TSFM: variants seen among roughly 807,000 people sequenced by gnomAD.
TSFM encodes the protein Ts translation elongation factor, mitochondrial.
Under a neutral mutation model 33.4 loss-of-function variants are expected in TSFM, and 29 were observed. That is an observed-to-expected ratio of 0.87 (90% CI 0.65 to 1.18). The LOEUF (loss-of-function observed/expected upper bound fraction) is 1.18, where lower values mean the gene tolerates loss of function less well. Among genes scored for constraint, TSFM ranks in the 50% most tolerant of loss-of-function variants. The pLI, the probability that TSFM is intolerant of heterozygous loss-of-function variation, is 0.00. For synonymous variants in TSFM, 178 were observed against 163.5 expected (o/e 1.09, Z -0.68); for missense variants, 394 against 395.6 (o/e 1.00, Z 0.04).
chr12:57,795,173 G>A (rs1474971077), intron 5 of TSFM, among the ~76,000 whole-genome samples: 2 of 150,346 alleles, frequency 1.3e-5, no homozygotes, highest in African/African-American at 2.4e-5. Context: ...GATCTCGCTC[G>A]CTGTAACCTC....
At chr12:57,785,006 A>C (rs1203248490) in intron 2 of TSFM, among the ~76,000 whole-genome samples, 3 of 131,670 alleles carry the variant, frequency 2.3e-5, no homozygotes, top group Non-Finnish European at 4.6e-5. Flanking sequence ...GGCTCACTGC[A>C]AGCTCCACCT....
At chr12:57,801,096 T>G, downstream of TSFM, 1 of 1,516,376 alleles carries the variant, frequency 6.6e-7, no homozygotes, top group Non-Finnish European at 9.1e-7. Flanking sequence ...GTTCTCTGGC[T>G]CTGGTTGCCC....
chr12:57,801,436 G>T (rs1326800487), downstream of TSFM: 4 of 381,972 alleles, frequency 1.0e-5, no homozygotes, highest in Non-Finnish European at 1.9e-5. Context: ...CTCCCAATAA[G>T]ATTTAAGAAA....
At chr12:57,791,896 T>C (rs942176498) in intron 4 of TSFM, 8 of 336,492 alleles carry the variant, frequency 2.4e-5, no homozygotes, top group Non-Finnish European at 3.6e-5. Context: ...CCATTTTGCA[T>C]TCCCATCAAA....
At chr12:57,788,452 T>G (rs1486851402) in intron 4 of TSFM, among the ~76,000 whole-genome samples, 2 of 152,032 alleles carry the variant, frequency 1.3e-5, no homozygotes, top group African/African-American at 4.8e-5. Context: ...AGTATTTGTA[T>G]TTTTTGTAAA....
downstream of TSFM, among the ~76,000 whole-genome samples, chr12:57,798,543 T>C (rs1242403530): frequency 7.9e-5 from 12 of 152,142 alleles, no homozygotes; most frequent in Non-Finnish European, 1.8e-4. Flanking sequence ...AGATAAGACA[T>C]TGTGGGAAAT....
In TSFM at chr12:57,786,202, T is replaced by A; in HGVS notation, c.271T>A (p.Trp91Arg). Residue 91 changes from tryptophan to arginine, a missense_variant, in exon 3 of 6, where the codon TGG (tryptophan) becomes AGG (arginine). Around this residue, in one of 3 missense-constraint regions of TSFM, gnomAD observed 208 missense variants for 180.4 expected, o/e 1.15. Transcript: ENST00000652027. The part of the protein sequence containing the change: ...WLHKEAQKEG[W>R]SKAAKLQGRK... ...CCACAAGGAGGCCCAGAAGGAGGGC[T>A]GGAGCAAAGCTGCCAAGCTCCAAGG... 1 of 1,609,962 alleles carries A rather than the reference T, an allele frequency of 6.2e-7. No homozygotes were observed. The highest frequency in any genetic ancestry group is 8.5e-7 in the Non-Finnish European group (1 of 1,177,902).
In TSFM at chr12:57,796,847, GATTT is replaced by G. The variant is rs1340871927; in HGVS notation, c.*268_*271del. ...CAATACTGCTGCTCCCTTCAACATA[GATTT>G]ATTATGGTATTTCTGAAATTTCTAA... On this transcript the variant is annotated 3_prime_UTR_variant, in exon 6 of 6. Coordinates refer to ENST00000652027, the MANE Select transcript of TSFM (RefSeq NM_005726.6). The G allele has an allele frequency of 9.0e-7, 1 of 1,110,466 alleles. No individual in the cohort carries two copies. Among genetic ancestry groups the G allele is most frequent in the African/African-American group, 1.6e-5 (1 of 61,814 alleles). 68.8% of individuals were successfully genotyped at this position (1,110,466 alleles called of 1,614,324 possible). A position where few individuals can be genotyped will look rare whatever the true frequency, so the allele number is the denominator to read the frequency against.
intron 2 of TSFM, chr12:57,783,903 A>G (rs956508498): frequency 2.9e-6 from 2 of 699,468 alleles, no homozygotes; most frequent in Non-Finnish European, 5.2e-6. Flanking sequence ...GGAGTGAGCC[A>G]CCGCGCCCGG....
chr12:57,789,109 C>G (rs1955628355), intron 4 of TSFM, among the ~76,000 whole-genome samples: 1 of 151,774 alleles, frequency 6.6e-6, no homozygotes, highest in South Asian at 2.1e-4. Flanking sequence ...TTACAGGCAC[C>G]TGCCATCATG....
chr12:57,782,992 C>G (rs1955533040), intron 1 of TSFM, 118 bp from the exon 2 acceptor site: 2 of 1,472,024 alleles, frequency 1.4e-6, no homozygotes, highest in Non-Finnish European at 1.8e-6. Context: ...CCAGTCCAGC[C>G]CCGGTGCACC....
At chr12:57,790,360 G>T (rs563949200) in intron 4 of TSFM, among the ~76,000 whole-genome samples, 3 of 151,934 alleles carry the variant, frequency 2.0e-5, no homozygotes, top group African/African-American at 7.3e-5. Flanking sequence ...GAACCACTGC[G>T]CCTGGCCAGG....
downstream of TSFM, among the ~76,000 whole-genome samples, chr12:57,801,943 C>T (rs1283933482): frequency 6.6e-6 from 1 of 152,194 alleles, no homozygotes; most frequent in East Asian, 1.9e-4. Flanking sequence ...ATACTTCACA[C>T]TGCTTATTGC....
At chr12:57,801,135 C>G (rs1254901205), downstream of TSFM, 1 of 1,612,792 alleles carries the variant, frequency 6.2e-7, no homozygotes, top group Non-Finnish European at 8.5e-7. Context: ...AAGAGCGAAC[C>G]CGACTCACAG....
intron 2 of TSFM, chr12:57,783,494 A>G (rs905845275): frequency 1.4e-6 from 1 of 715,122 alleles, no homozygotes; most frequent in African/African-American, 1.8e-5. Flanking sequence ...CCAGACTGTT[A>G]CGGTGTTTCT....
rs562349716 is a variant in TSFM at position 57,794,106 on chromosome 12, T to A, written c.571+1033T>A. On this transcript the variant is annotated intron_variant, in intron 5 of 5. Coordinates refer to ENST00000652027, the MANE Select transcript of TSFM (RefSeq NM_005726.6). ...TCCGTTTTTATCAGGTCATCTTGTA[T>A]TATCTATGATGTTTCAATGAGTCAT... Among the ~76,000 whole-genome samples, 58 of 152,346 alleles carry A rather than the reference T, an allele frequency of 3.8e-4. No homozygotes were observed. In the South Asian group the frequency reaches 0.012, roughly 30 times the overall value.
chr12:57,783,178 C>T lies in TSFM; in HGVS notation c.126C>T (p.Ala42=), dbSNP rs192798188. The change falls in exon 2 of 6, where the codon GCC becomes GCT. Residue 42 remains alanine, a synonymous_variant. Coordinates refer to ENST00000652027, the MANE Select transcript of TSFM (RefSeq NM_005726.6). ...TTTATGCTGGGCCCCGTCTGTCTGC[C>T]TCGGCCTCCAGCAAGGAGCTCCTCA... ...HTFYAGPRLS[A]SASSKELLMK... The T allele has an allele frequency of 9.3e-6, 15 of 1,613,656 alleles. No individual in the cohort carries two copies. In the East Asian group the frequency reaches 2.7e-4, roughly 29 times the overall value.
chr12:57,793,262 C>G (rs1453736957), intron 5 of TSFM, among the ~76,000 whole-genome samples, 189 bp downstream of exon 5: 1 of 151,970 alleles, frequency 6.6e-6, no homozygotes, highest in Non-Finnish European at 1.5e-5. Flanking sequence ...GAGTCTTGCT[C>G]TGTTGCCCAG....
intron 3 of TSFM, 27 bp from the exon 4 acceptor site, chr12:57,787,013 T>A: frequency 6.2e-7 from 1 of 1,610,174 alleles, no homozygotes; most frequent in Non-Finnish European, 8.5e-7. Context: ...AAACAGCTTA[T>A]ACAGCTATAT....
Sources: allele counts gnomAD v4.1 joint callset (sites outside exome capture counted in the v4.1 genomes callset), GRCh38; gene constraint gnomAD v4.1.1; regional missense constraint gnomAD v4.1.1; transcripts MANE v1.5; gene names NCBI Gene and HGNC (gene_info 2026-07-23, HGNC 2026-07-21).